ACBD5: variants seen among roughly 807,000 people sequenced by gnomAD.
ACBD5 encodes acyl-CoA-binding domain-containing protein 5.
A neutral mutation model predicts 71.8 loss-of-function variants in ACBD5; 40 were observed. That is an observed-to-expected ratio of 0.56 (90% CI 0.43 to 0.72). The LOEUF is 0.72. Ranked by LOEUF, ACBD5 falls within the 30% of genes least tolerant of loss-of-function variation. The pLI is 0.00. For missense variants in ACBD5, 559 were observed against 644.5 expected (o/e 0.87, Z 1.44); for synonymous variants, 229 against 218.6 (o/e 1.05, Z -0.42).
intron 9 of ACBD5, among the ~76,000 whole-genome samples, chr10:27,208,744 A>G (rs1285909313): frequency 1.3e-5 from 2 of 152,158 alleles, no homozygotes; most frequent in African/African-American, 4.8e-5. Flanking sequence ...AGCCTGAGGC[A>G]GGAGAATTGT....
intron 4 of ACBD5, among the ~76,000 whole-genome samples, chr10:27,225,911 T>A (rs192217044): frequency 6.6e-6 from 1 of 152,226 alleles, no homozygotes; most frequent in African/African-American, 2.4e-5. Flanking sequence ...GATCTCTTTC[T>A]TAACTTTGTC....
chr10:27,219,971 A>G (rs2137477132), intron 5 of ACBD5, 114 bp from the exon 6 acceptor site: 1 of 874,596 alleles, frequency 1.1e-6, no homozygotes, highest in East Asian at 3.4e-5. Context: ...TTGAATTAAA[A>G]TGTTATATAT....
chr10:27,240,926 G>A, upstream of ACBD5: 1 of 619,110 alleles, frequency 1.6e-6, no homozygotes, highest in South Asian at 1.9e-5. The surrounding 1 kb of genome is among the most constrained non-coding windows in gnomAD (Gnocchi z 4.1). Flanking sequence ...GACGCGCGCG[G>A]TCCGTCTGTC....
At chr10:27,192,499 G>A (rs1564523453), downstream of ACBD5, among the ~76,000 whole-genome samples, 3 of 152,084 alleles carry the variant, frequency 2.0e-5, no homozygotes, top group East Asian at 3.8e-4. Context: ...TCACGATGGG[G>A]CAGCAATGGG....
At chr10:27,184,107 C>A (rs2058490873) in intron 13 of ACBD5, among the ~76,000 whole-genome samples, 1 of 152,174 alleles carries the variant, frequency 6.6e-6, no homozygotes, top group Admixed American at 6.6e-5. Context: ...TAGGGATGAT[C>A]TAGACTCAGA....
chr10:27,209,483 C>T (rs1249080413), intron 9 of ACBD5, among the ~76,000 whole-genome samples: 1 of 152,076 alleles, frequency 6.6e-6, no homozygotes, highest in African/African-American at 2.4e-5. Context: ...CCACTACGCC[C>T]GGCTAATTTT....
At chr10:27,189,765 T>TAAAAAA (rs926529859) in intron 13 of ACBD5, among the ~76,000 whole-genome samples, 74 of 72,266 alleles carry the variant, frequency 1.0e-3, no homozygotes, top group African/African-American at 4.2e-3. Flanking sequence ...TAAAGTATAA[T>TAAAAAA]AAAAATATAT....
At chr10:27,199,593 A>C (rs148279718) in intron 12 of ACBD5, among the ~76,000 whole-genome samples, 16 of 152,208 alleles carry the variant, frequency 1.1e-4, no homozygotes, top group South Asian at 6.2e-4. Context: ...CACTGCTGCA[A>C]TTCCTTCCCC....
chr10:27,219,094 G>A (rs2062006069), intron 6 of ACBD5, among the ~76,000 whole-genome samples: 1 of 151,992 alleles, frequency 6.6e-6, no homozygotes, highest in Admixed American at 6.6e-5. Context: ...TTGAGGTCAG[G>A]AGTCCAAGAC....
chr10:27,224,064 G>C (rs2062699621), intron 4 of ACBD5, among the ~76,000 whole-genome samples: 1 of 151,390 alleles, frequency 6.6e-6, no homozygotes, highest in South Asian at 2.1e-4. Context: ...CTTATAAATT[G>C]TGTATTACAG....
At chr10:27,202,456 T>A (rs2060022214) in intron 12 of ACBD5, among the ~76,000 whole-genome samples, 1 of 152,246 alleles carries the variant, frequency 6.6e-6, no homozygotes, top group Admixed American at 6.5e-5. Flanking sequence ...CAGAGACATC[T>A]GTGAACAGCT....
At chr10:27,207,636 TC>T (rs1181200183) in intron 10 of ACBD5, among the ~76,000 whole-genome samples, 2 of 152,200 alleles carry the variant, frequency 1.3e-5, no homozygotes, top group Non-Finnish European at 2.9e-5. Flanking sequence ...GGCAGCTGAG[TC>T]CCGGGATTAT....
intron 4 of ACBD5, among the ~76,000 whole-genome samples, chr10:27,224,522 A>C (rs1202183530): frequency 6.6e-6 from 1 of 152,250 alleles, no homozygotes; most frequent in African/African-American, 2.4e-5. Context: ...GTAAAGTAGG[A>C]AATTGTAATC....
chr10:27,233,304 G>T (rs1010699425), intron 3 of ACBD5, among the ~76,000 whole-genome samples: 1 of 152,052 alleles, frequency 6.6e-6, no homozygotes, highest in African/African-American at 2.4e-5. Context: ...GCACGCGCCT[G>T]TAATCCCAGC....
At chr10:27,202,435 G>A (rs983923557) in intron 12 of ACBD5, among the ~76,000 whole-genome samples, 7 of 152,164 alleles carry the variant, frequency 4.6e-5, no homozygotes, top group Admixed American at 1.3e-4. Context: ...ATAGGAAAGC[G>A]TTTCTCCATT....
chr10:27,198,826 A>C (rs1359329645), intron 12 of ACBD5, among the ~76,000 whole-genome samples: 2 of 152,172 alleles, frequency 1.3e-5, no homozygotes, highest in Non-Finnish European at 2.9e-5. Context: ...AGAAGGGCAG[A>C]CAAAGCCGGA....
downstream of ACBD5, among the ~76,000 whole-genome samples, chr10:27,192,896 G>C (rs2059136245): frequency 6.6e-6 from 1 of 151,556 alleles, no homozygotes; most frequent in Admixed American, 6.6e-5. Flanking sequence ...TTGAACCCAG[G>C]AGATGGAGGT....
At chr10:27,208,148 T>G (rs553480972) in intron 10 of ACBD5, 98 bp downstream of exon 10, 2 of 1,291,130 alleles carry the variant, frequency 1.5e-6, no homozygotes, top group African/African-American at 2.9e-5. Flanking sequence ...AAAAAATCAG[T>G]AAAATACATT....
chr10:27,193,894 T>C (rs1261334263), downstream of ACBD5, among the ~76,000 whole-genome samples: 1 of 152,134 alleles, frequency 6.6e-6, no homozygotes, highest in Non-Finnish European at 1.5e-5. Flanking sequence ...AGAATAATGA[T>C]ACCTTAAATG....
Sources: gnomAD v4.1 joint callset for allele counts (sites outside exome capture counted in the v4.1 genomes callset) on GRCh38, gnomAD v4.1.1 for gene constraint, Gnocchi (gnomAD v3.1) non-coding constraint, MANE v1.5 for transcripts, NCBI Gene and HGNC (gene_info 2026-07-23, HGNC 2026-07-21) for gene names.